The following GRM8 variants were observed in gnomAD, a reference collection of about 807,000 sequenced individuals.
GRM8 encodes metabotropic glutamate receptor 8.
GRM8 carries 47 observed loss-of-function variants against 87.2 expected under a neutral mutation model. The observed-to-expected ratio is 0.54, with a 90% CI of 0.43 to 0.69. GRM8 has a LOEUF of 0.69. GRM8 is among the 30% of genes least tolerant of loss of function. The probability of loss-of-function intolerance (pLI) is 0.00; values close to 1 mark genes in which losing one functional copy is unlikely to be tolerated. For missense variants in GRM8, 1,019 were observed against 1,139.2 expected (o/e 0.89, Z 1.52); for synonymous variants, 396 against 404.5 (o/e 0.98, Z 0.25).
chr7:126,971,157 TAAAAAAAA>T (rs71177581), intron 3 of GRM8, among the ~76,000 whole-genome samples: 34,591 of 100,584 alleles, frequency 0.34, 4,749 homozygotes, highest in South Asian at 0.42. Flanking sequence ...TTTCAATTTG[TAAAAAAAA>T]AAAAAAAAAA....
intron 6 of GRM8, among the ~76,000 whole-genome samples, chr7:126,851,995 A>G (rs1797257401): frequency 6.6e-6 from 1 of 152,186 alleles, no homozygotes; most frequent in African/African-American, 2.4e-5. Context: ...CAGAGAGAGT[A>G]GATACTGAGA....
At chr7:126,865,879 T>C (rs1273912031) in intron 6 of GRM8, among the ~76,000 whole-genome samples, 1 of 152,246 alleles carries the variant, frequency 6.6e-6, no homozygotes, top group Non-Finnish European at 1.5e-5. Context: ...TAAATGATGC[T>C]GTCATGAATA....
At chr7:127,204,782 A>C (rs1364059912) in intron 2 of GRM8, among the ~76,000 whole-genome samples, 1 of 152,184 alleles carries the variant, frequency 6.6e-6, no homozygotes, top group Non-Finnish European at 1.5e-5. Context: ...AAAGCTATTA[A>C]TACATTTGAG....
At chr7:127,132,381 CT>C (rs1229705273) in intron 2 of GRM8, among the ~76,000 whole-genome samples, 1 of 152,198 alleles carries the variant, frequency 6.6e-6, no homozygotes, top group African/African-American at 2.4e-5. Flanking sequence ...ATTATTTCTT[CT>C]CCTTTTCCAA....
chr7:127,234,765 C>T (rs973134008), intron 2 of GRM8, among the ~76,000 whole-genome samples: 2 of 152,194 alleles, frequency 1.3e-5, no homozygotes, highest in Non-Finnish European at 2.9e-5. Context: ...GGTGATTTCT[C>T]GCATGCTACA....
chr7:126,608,575 C>A (rs186534041), intron 8 of GRM8, among the ~76,000 whole-genome samples: 1 of 152,102 alleles, frequency 6.6e-6, no homozygotes, highest in East Asian at 1.9e-4. Flanking sequence ...AGAGTGCCTG[C>A]GGTAGACAAA....
At chr7:126,727,704 T>TACACACACACACACAC (rs3038844) in intron 7 of GRM8, among the ~76,000 whole-genome samples, 26 of 141,880 alleles carry the variant, frequency 1.8e-4, no homozygotes, top group African/African-American at 6.3e-4. Context: ...TCTGAAATCA[T>TACACACACACACACAC]ACACACACAC....
chr7:127,116,447 C>G (rs1046812904), intron 2 of GRM8, among the ~76,000 whole-genome samples: 1 of 152,196 alleles, frequency 6.6e-6, no homozygotes, highest in African/African-American at 2.4e-5. Context: ...GTAAACAACA[C>G]ATGGTCCTCC....
chr7:126,835,562 T>C (rs978028025), intron 6 of GRM8, among the ~76,000 whole-genome samples: 1 of 152,230 alleles, frequency 6.6e-6, no homozygotes, highest in African/African-American at 2.4e-5. Flanking sequence ...TGATAAATGA[T>C]TAACTATTGT....
intron 3 of GRM8, among the ~76,000 whole-genome samples, chr7:126,974,935 T>TA (rs1810811774): frequency 2.9e-5 from 1 of 34,256 alleles, no homozygotes; most frequent in Admixed American, 5.2e-4. Context: ...GACTCTTGTC[T>TA]CAAAAAAAAA....
intron 9 of GRM8, among the ~76,000 whole-genome samples, chr7:126,471,304 T>G (rs370969385): frequency 6.6e-6 from 1 of 152,184 alleles, no homozygotes; most frequent in East Asian, 1.9e-4. Context: ...GGTTTTCTTC[T>G]AGGGTTTTTA....
intron 3 of GRM8, among the ~76,000 whole-genome samples, chr7:126,994,923 A>G (rs1435381383): frequency 6.6e-6 from 1 of 152,030 alleles, no homozygotes; most frequent in Non-Finnish European, 1.5e-5. Context: ...TAGCAAATAT[A>G]GTGGACCTTG....
intron 7 of GRM8, among the ~76,000 whole-genome samples, chr7:126,745,708 C>T (rs560612236): frequency 5.3e-5 from 8 of 151,570 alleles, no homozygotes; most frequent in South Asian, 2.1e-4. Flanking sequence ...TTCTGTTCCA[C>T]GGTACAACCT....
chr7:126,736,432 T>C (rs1389919228), intron 7 of GRM8, among the ~76,000 whole-genome samples: 2 of 152,098 alleles, frequency 1.3e-5, no homozygotes, highest in Admixed American at 6.6e-5. Flanking sequence ...TCATGCTTGA[T>C]ATACTCAGCC....
intron 6 of GRM8, among the ~76,000 whole-genome samples, chr7:126,791,650 T>C (rs1821343648): frequency 6.6e-6 from 1 of 152,248 alleles, no homozygotes; most frequent in African/African-American, 2.4e-5. Context: ...TAAATGATCT[T>C]TCAAAGTAAT....
At chr7:127,117,638 A>G (rs1473394229) in intron 2 of GRM8, among the ~76,000 whole-genome samples, 1 of 152,234 alleles carries the variant, frequency 6.6e-6, no homozygotes, top group Non-Finnish European at 1.5e-5. Context: ...TATAATAGAA[A>G]AACCAAAACG....
intron 7 of GRM8, among the ~76,000 whole-genome samples, chr7:126,622,834 T>A (rs1800311565): frequency 6.6e-6 from 1 of 152,202 alleles, no homozygotes. Context: ...ACTTTCTTAT[T>A]TCTCTTTTAC....
intron 6 of GRM8, among the ~76,000 whole-genome samples, chr7:126,844,343 C>A (rs1796525658): frequency 1.3e-5 from 2 of 152,240 alleles, no homozygotes; most frequent in African/African-American, 4.8e-5. Context: ...GTATTTTTAA[C>A]AAGCATTCTG....
intron 9 of GRM8, among the ~76,000 whole-genome samples, chr7:126,499,797 G>A (rs1301414828): frequency 6.6e-6 from 1 of 151,928 alleles, no homozygotes; most frequent in Non-Finnish European, 1.5e-5. Context: ...AGGCTGGGGG[G>A]AGGTGGGTGG....
Sources: allele counts gnomAD v4.1 joint callset (sites outside exome capture counted in the v4.1 genomes callset), GRCh38; gene constraint gnomAD v4.1.1; transcripts MANE v1.5; gene names NCBI Gene and HGNC (gene_info 2026-07-23, HGNC 2026-07-21).